The following NRP1 variants were observed in gnomAD, a reference collection of about 807,000 sequenced individuals.
NRP1 encodes the protein neuropilin 1.
A neutral mutation model predicts 106.7 loss-of-function variants in NRP1; 35 were observed. That is an observed-to-expected ratio of 0.33 (90% confidence interval 0.25 to 0.43). The LOEUF is 0.43. Ranked by LOEUF, NRP1 falls within the 20% of genes least tolerant of loss-of-function variation. The probability of loss-of-function intolerance (pLI) is 1.00; values close to 1 mark genes in which losing one functional copy is unlikely to be tolerated. For synonymous variants in NRP1, 437 were observed against 417.9 expected (o/e 1.05, Z -0.56); for missense variants, 1,024 against 1,170.4 (o/e 0.87, Z 1.83).
At chr10:33,180,565 C>T (rs533099800) in intron 16 of NRP1, among the ~76,000 whole-genome samples, 200 bp from the exon 17 acceptor site, 1 of 152,214 alleles carries the variant, frequency 6.6e-6, no homozygotes, top group East Asian at 1.9e-4. Context: ...CTGCTTAGCA[C>T]GTGGAAACAA....
intron 6 of NRP1, among the ~76,000 whole-genome samples, chr10:33,230,597 ATGTGTGTGTGTGTGTGTGTGTGTG>A (rs10558085): frequency 1.4e-5 from 2 of 144,584 alleles, no homozygotes; most frequent in African/African-American, 2.5e-5. Context: ...TTTCTCATAT[ATGTGTGTGTGTGTGTGTGTGTGTG>A]TGTGTGTGTG....
chr10:33,249,567 A>T (rs749665636), intron 6 of NRP1: 14 of 504,340 alleles, frequency 2.8e-5, no homozygotes, highest in Non-Finnish European at 5.2e-5. Context: ...GATTAACCAG[A>T]AACAAAGAAA....
intron 2 of NRP1, among the ~76,000 whole-genome samples, chr10:33,272,046 G>T (rs1843342225): frequency 6.6e-6 from 1 of 152,136 alleles, no homozygotes; most frequent in African/African-American, 2.4e-5. Flanking sequence ...AACTGTATCT[G>T]GCAATTTAAA....
chr10:33,327,984 G>C (rs1026509582), intron 2 of NRP1, among the ~76,000 whole-genome samples: 2 of 151,976 alleles, frequency 1.3e-5, no homozygotes, highest in Non-Finnish European at 2.9e-5. Flanking sequence ...CAGCCTTTCA[G>C]CTTTGGCCAG....
chr10:33,207,778 A>G, intron 9 of NRP1, 62 bp from the exon 10 acceptor site: 6 of 1,575,934 alleles, frequency 3.8e-6, no homozygotes, highest in East Asian at 2.2e-5. Flanking sequence ...CCTTTTAGCA[A>G]CTGTTTCTTC....
intron 6 of NRP1, among the ~76,000 whole-genome samples, chr10:33,226,902 T>A (rs1464085390): frequency 6.6e-6 from 1 of 152,170 alleles, no homozygotes; most frequent in Non-Finnish European, 1.5e-5. Flanking sequence ...GTCTCATGTC[T>A]CCCTGAAATA....
At chr10:33,180,492 CATT>C (rs2090282050) in intron 16 of NRP1, 127 bp from the exon 17 acceptor site, 9 of 919,856 alleles carry the variant, frequency 9.8e-6, no homozygotes, top group South Asian at 5.5e-5. Flanking sequence ...ATATCTGACT[CATT>C]GTTGGGAACA....
At chr10:33,225,539 G>T (rs1839592282) in intron 7 of NRP1, among the ~76,000 whole-genome samples, 1 of 152,216 alleles carries the variant, frequency 6.6e-6, no homozygotes, top group South Asian at 2.1e-4. Flanking sequence ...TTCCAAATGA[G>T]CTAGGGCAGA....
chr10:33,298,948 C>T (rs1166058069), intron 2 of NRP1, among the ~76,000 whole-genome samples: 1 of 152,128 alleles, frequency 6.6e-6, no homozygotes, highest in Admixed American at 6.5e-5. Flanking sequence ...ACTACTTCTA[C>T]CTACCATGCA....
chr10:33,267,514 T>C (rs964377253), intron 3 of NRP1, among the ~76,000 whole-genome samples: 1 of 152,162 alleles, frequency 6.6e-6, no homozygotes, highest in Non-Finnish European at 1.5e-5. Context: ...TTGGAATTAT[T>C]ATTAAATGCA....
At position 33,203,015 on chromosome 10, in the gene NRP1, T is replaced by C. The variant is rs370887891; in HGVS notation, c.1760-20A>G. On this transcript the variant is annotated intron_variant, in intron 10 of 16. Coordinates refer to ENST00000374867, the MANE Select transcript of NRP1 (RefSeq NM_003873.7). ...TAGGGGCTGAAACAAGATCCAAGGA[T>C]TATTATCTCACACCTTGGAAATGTA... 7 of 1,597,792 alleles carry C rather than the reference T, an allele frequency of 4.4e-6. No homozygotes were observed. The highest frequency in any genetic ancestry group is 6.0e-6 in the Non-Finnish European group (7 of 1,170,822).
intron 2 of NRP1, among the ~76,000 whole-genome samples, chr10:33,275,533 A>C (rs1317445351): frequency 6.6e-6 from 1 of 152,072 alleles, no homozygotes; most frequent in African/African-American, 2.4e-5. Context: ...GCGCCACTGC[A>C]CACTAGCCTG....
intron 2 of NRP1, among the ~76,000 whole-genome samples, chr10:33,306,170 T>A (rs1846145040): frequency 6.6e-6 from 1 of 152,202 alleles, no homozygotes; most frequent in Non-Finnish European, 1.5e-5. Flanking sequence ...TCCCCCCAAC[T>A]CTTTGTGACT....
chr10:33,254,839 ATCATAATGC>A (rs1372150423), intron 5 of NRP1, among the ~76,000 whole-genome samples: 3 of 152,232 alleles, frequency 2.0e-5, no homozygotes, highest in Admixed American at 1.3e-4. Flanking sequence ...AGAGCATAAA[ATCATAATGC>A]TCACAACAGT....
chr10:33,312,738 C>G (rs746097282), intron 2 of NRP1, among the ~76,000 whole-genome samples: 1 of 152,140 alleles, frequency 6.6e-6, no homozygotes, highest in Non-Finnish European at 1.5e-5. Flanking sequence ...GCTTACGCTG[C>G]CTTTGAGACA....
intron 11 of NRP1, chr10:33,202,467 T>C: frequency 4.2e-6 from 3 of 718,450 alleles, no homozygotes; most frequent in Middle Eastern, 8.7e-4. Context: ...CTTTATCCAT[T>C]TGTTGGATAA....
At chr10:33,290,179 T>C (rs1251199390) in intron 2 of NRP1, among the ~76,000 whole-genome samples, 2 of 152,242 alleles carry the variant, frequency 1.3e-5, no homozygotes. Flanking sequence ...TATATGTGCA[T>C]ATATTTGTGT....
At chr10:33,184,242 C>T (rs1835868627) in intron 15 of NRP1, among the ~76,000 whole-genome samples, 1 of 152,166 alleles carries the variant, frequency 6.6e-6, no homozygotes. Flanking sequence ...TCCTAAACTC[C>T]TGATCTCAAA....
At chr10:33,328,144 T>G (rs1357608954) in intron 2 of NRP1, among the ~76,000 whole-genome samples, 1 of 152,164 alleles carries the variant, frequency 6.6e-6, no homozygotes, top group African/African-American at 2.4e-5. Flanking sequence ...AATACTTTGC[T>G]GATATCACTA....
Sources: allele counts gnomAD v4.1 joint callset (sites outside exome capture counted in the v4.1 genomes callset), GRCh38; gene constraint gnomAD v4.1.1; transcripts MANE v1.5; gene names NCBI Gene and HGNC (gene_info 2026-07-23, HGNC 2026-07-21).